Variants in HECW2 observed in about 807,000 individuals in gnomAD.
HECW2 encodes the protein E3 ubiquitin-protein ligase HECW2.
In HECW2, 61 loss-of-function variants were observed where a neutral mutation model predicts 175.2. The ratio of observed to expected loss-of-function variants is 0.35; its 90% CI spans 0.28 to 0.43. HECW2 has a LOEUF of 0.43. Among genes scored for constraint, HECW2 ranks in the 20% least tolerant of loss-of-function variants. The pLI, the probability that HECW2 is intolerant of heterozygous loss-of-function variation, is 1.00. For missense variants in HECW2, 1,524 were observed against 2,000.5 expected (o/e 0.76, Z 4.54); for synonymous variants, 671 against 731.0 (o/e 0.92, Z 1.32).
At position 196,240,429 on chromosome 2, in the gene HECW2, CA is replaced by C; in HGVS notation, c.3764+19del. 1 of 1,543,514 alleles carries C rather than the reference CA, an allele frequency of 6.5e-7. No individual in the cohort carries two copies. The highest frequency in any genetic ancestry group is 8.8e-7 in the Non-Finnish European group (1 of 1,132,712). On this transcript the variant is annotated intron_variant, in intron 21 of 28. Coordinates refer to ENST00000644978, the MANE Select transcript of HECW2 (RefSeq NM_001348768.2). ...TGGCCACAGCCTATGTTCCACAGGC[CA>C]CTTCTCTGTTCTACTCACCCTTCCT... is the stretch of plus-strand genomic sequence containing the variant.
chr2:196,544,325 C>A (rs530155554), intron 1 of HECW2, among the ~76,000 whole-genome samples: 1 of 152,294 alleles, frequency 6.6e-6, no homozygotes, highest in Admixed American at 6.5e-5. Flanking sequence ...CCCTGAAAGG[C>A]AGGCTAGAGT....
intron 19 of HECW2, among the ~76,000 whole-genome samples, chr2:196,244,357 A>G (rs1360923037): frequency 6.6e-6 from 1 of 152,232 alleles, no homozygotes; most frequent in East Asian, 1.9e-4. Flanking sequence ...TTTTTTGAAT[A>G]TTTTAAATTA....
At chr2:196,263,777 G>C (rs1327898232) in intron 17 of HECW2, 1 of 152,080 alleles carries the variant, frequency 6.6e-6, no homozygotes, top group African/African-American at 2.4e-5. Flanking sequence ...ATAGATATAA[G>C]TTATCTGCAT....
At chr2:196,503,215 C>T (rs563929922) in intron 1 of HECW2, among the ~76,000 whole-genome samples, 2 of 152,120 alleles carry the variant, frequency 1.3e-5, no homozygotes, top group Non-Finnish European at 1.5e-5. Flanking sequence ...GGAACCCCCA[C>T]AAAGAACCCC....
At chr2:196,506,007 C>T (rs1315443791) in intron 1 of HECW2, among the ~76,000 whole-genome samples, 4 of 151,952 alleles carry the variant, frequency 2.6e-5, no homozygotes, top group Non-Finnish European at 4.4e-5. Flanking sequence ...GCAGGGGTAT[C>T]TCTCAATAAG....
chr2:196,234,369 C>A (rs1254912698), intron 21 of HECW2, among the ~76,000 whole-genome samples: 1 of 151,762 alleles, frequency 6.6e-6, no homozygotes, highest in Non-Finnish European at 1.5e-5. Flanking sequence ...CTCACTGTAA[C>A]CTTGAGCTCC....
chr2:196,399,687 C>T (rs1359736271), intron 2 of HECW2, among the ~76,000 whole-genome samples: 2 of 152,200 alleles, frequency 1.3e-5, no homozygotes, highest in East Asian at 1.9e-4. Context: ...AAACACAGGC[C>T]TATTTGAACA....
chr2:196,326,505 G>A (rs892021128), intron 5 of HECW2, among the ~76,000 whole-genome samples: 3 of 150,976 alleles, frequency 2.0e-5, no homozygotes, highest in South Asian at 2.1e-4. Flanking sequence ...GTGCTGTGGT[G>A]TGATCTTGGC....
intron 1 of HECW2, among the ~76,000 whole-genome samples, chr2:196,491,361 T>TAC (rs1687176634): frequency 3.4e-5 from 2 of 59,464 alleles, no homozygotes; most frequent in Admixed American, 2.3e-4. Context: ...TACAAAATCA[T>TAC]ATATATATAC....
At chr2:196,466,764 T>G (rs1368472642) in intron 1 of HECW2, among the ~76,000 whole-genome samples, 1 of 152,150 alleles carries the variant, frequency 6.6e-6, no homozygotes, top group Non-Finnish European at 1.5e-5. Flanking sequence ...GAAAAATGGG[T>G]AAAAGCATAA....
At chr2:196,379,684 C>CAAAA (rs1228923177) in intron 2 of HECW2, among the ~76,000 whole-genome samples, 309 of 28,168 alleles carry the variant, frequency 0.011, 22 homozygotes, top group African/African-American at 0.017. Flanking sequence ...TACTCCGTCT[C>CAAAA]AAAAAAAAAA....
chr2:196,251,786 T>C lies in HECW2; in HGVS notation c.3529+2134A>G, dbSNP rs566067366. Among the ~76,000 whole-genome samples, 190 of 152,314 alleles carry C rather than the reference T, an allele frequency of 1.2e-3. 2 individuals carry two copies. Among genetic ancestry groups the C allele is most frequent in the African/African-American group, 4.2e-3 (173 of 41,560 alleles). ...TAATGCAATGGCCTCTCTGAGAAAC[T>C]GTCTCTAGTCTCTCATTTTCTAATT... On this transcript the variant is annotated intron_variant, in intron 19 of 28. Transcript: ENST00000644978.
At chr2:196,357,330 G>GC (rs1553506307) in intron 2 of HECW2, among the ~76,000 whole-genome samples, 3 of 134,910 alleles carry the variant, frequency 2.2e-5, no homozygotes, top group Admixed American at 1.4e-4. Context: ...GGGGGCTTGG[G>GC]CGGGGGGGCG....
intron 2 of HECW2, among the ~76,000 whole-genome samples, chr2:196,410,311 A>G (rs73988197): frequency 1.3e-5 from 2 of 152,258 alleles, no homozygotes; most frequent in East Asian, 3.8e-4. Flanking sequence ...TAATCCTAAA[A>G]GTGATGACAA....
At chr2:196,566,280 GCAA>G (rs1690185254) in intron 1 of HECW2, among the ~76,000 whole-genome samples, 1 of 20,788 alleles carries the variant, frequency 4.8e-5, no homozygotes. Context: ...TCAAAAATAA[GCAA>G]AAAAAAAAAA....
At chr2:196,323,853 C>A (rs13389353) in intron 6 of HECW2, among the ~76,000 whole-genome samples, 2 of 145,526 alleles carry the variant, frequency 1.4e-5, no homozygotes, top group Non-Finnish European at 3.0e-5. Flanking sequence ...ATTTTTATTT[C>A]TTCTAGGCTT....
intron 18 of HECW2, among the ~76,000 whole-genome samples, chr2:196,256,579 G>T (rs1436305212): frequency 1.3e-5 from 2 of 152,138 alleles, no homozygotes; most frequent in African/African-American, 4.8e-5. Context: ...TCCCAAAGCA[G>T]AATTCTTAGT....
At chr2:196,393,777 A>G (rs1470258639) in intron 2 of HECW2, among the ~76,000 whole-genome samples, 8 of 152,212 alleles carry the variant, frequency 5.3e-5, no homozygotes, top group Non-Finnish European at 8.8e-5. Flanking sequence ...CTAAAATACC[A>G]TTTGACCCAG....
chr2:196,254,735 C>T (rs1214129185), intron 18 of HECW2, among the ~76,000 whole-genome samples: 5 of 152,170 alleles, frequency 3.3e-5, no homozygotes. Flanking sequence ...CCACTAAGCC[C>T]AGACAATATG....
Sources: allele counts gnomAD v4.1 joint callset (sites outside exome capture counted in the v4.1 genomes callset), GRCh38; gene constraint gnomAD v4.1.1; transcripts MANE v1.5; gene names NCBI Gene and HGNC (gene_info 2026-07-23, HGNC 2026-07-21).